MAP3K13: variants seen among roughly 807,000 people sequenced by gnomAD.
MAP3K13 encodes the protein leucine zipper-bearing kinase.
MAP3K13 carries 52 observed loss-of-function variants against 104.0 expected under a neutral mutation model. The ratio of observed to expected loss-of-function variants is 0.50; its 90% CI spans 0.40 to 0.63. The LOEUF (loss-of-function observed/expected upper bound fraction) is 0.63, where lower values mean the gene tolerates loss of function less well. Ranked by LOEUF, MAP3K13 falls within the 20% of genes least tolerant of loss-of-function variation. MAP3K13 has a pLI of 0.00. For missense variants in MAP3K13, 914 were observed against 1,218.5 expected, an observed-to-expected ratio of 0.75 and a Z score of 3.72; for synonymous variants, 394 against 442.2, an observed-to-expected ratio of 0.89 and a Z score of 1.37.
Position 185,482,451 on chromosome 3 carries a change from T to C in MAP3K13, c.2896T>C (p.Trp966Arg). The change falls in exon 14 of 14, where the codon TGG becomes CGG. Residue 966 changes from tryptophan (W) to arginine (R), a missense_variant. This residue lies in a region of MAP3K13 where 583 missense variants were observed against 737.4 expected (regional missense o/e 0.79). Coordinates refer to ENST00000265026, the MANE Select transcript of MAP3K13 (RefSeq NM_004721.5). This position sits in a 1 kb window ranked among gnomAD's most constrained non-coding sequence, Gnocchi z 4.5. Reference sequence around the variant, plus strand: ...CAATAAACACTACAGCTCTGCTACCTGGTAATGAAGGAATACACATCCTGA... The same window carrying C: ...CAATAAACACTACAGCTCTGCTACCCGGTAATGAAGGAATACACATCCTGA... ...RTNKHYSSATW is the reference protein window; with the variant it reads ...RTNKHYSSATR The C allele has an allele frequency of 6.2e-7, 1 of 1,610,850 alleles. No individual in the cohort carries two copies. The highest frequency in any genetic ancestry group is 8.5e-7 in the Non-Finnish European group (1 of 1,177,094).
intron 1 of MAP3K13, among the ~76,000 whole-genome samples, chr3:185,380,251 A>C (rs559282997): frequency 1.3e-5 from 2 of 150,288 alleles, no homozygotes; most frequent in Admixed American, 1.3e-4. Context: ...GGTGGCTCAA[A>C]TCTGTAATCC....
intron 1 of MAP3K13, among the ~76,000 whole-genome samples, chr3:185,378,939 T>C (rs570939291): frequency 6.6e-6 from 1 of 152,176 alleles, no homozygotes; most frequent in African/African-American, 2.4e-5. Context: ...CGCTTAGATT[T>C]TAGGTCAGGC....
At position 185,454,701 on chromosome 3, in the gene MAP3K13, A is replaced by C. The variant is rs1315936376; in HGVS notation, c.1278+3306A>C. ...TTTATATGATATATATATGAGATAT[A>C]TATATCATATATGAGATATATATGA... On this transcript the variant is annotated intron_variant, in intron 7 of 13. Transcript: ENST00000265026. 1.5e-4 allele frequency among the ~76,000 whole-genome samples: 4 copies of C among 27,180 alleles called. 1 individual carries two copies. Among genetic ancestry groups the C allele is most frequent in the South Asian group, 4.0e-3 (2 of 504 alleles). 17.8% of individuals were successfully genotyped at this position (27,180 alleles called of 152,430 possible). A position where few individuals can be genotyped will look rare whatever the true frequency, so the allele number is the denominator to read the frequency against.
At chr3:185,350,529 G>T (rs577880509) in intron 2 of MAP3K13, among the ~76,000 whole-genome samples, 1 of 151,788 alleles carries the variant, frequency 6.6e-6, no homozygotes, top group South Asian at 2.1e-4. Context: ...TATCTTGTTG[G>T]ATCTCTGACT....
chr3:185,338,675 T>C (rs1473952794), intron 2 of MAP3K13, among the ~76,000 whole-genome samples: 1 of 152,214 alleles, frequency 6.6e-6, no homozygotes, highest in African/African-American at 2.4e-5. Context: ...ATTTCTAGCA[T>C]TTCTTCTTGA....
intron 1 of MAP3K13, among the ~76,000 whole-genome samples, chr3:185,365,449 G>A (rs1723824983): frequency 6.6e-6 from 1 of 152,144 alleles, no homozygotes. Flanking sequence ...ACATCCACTG[G>A]TAGATGACAG....
At chr3:185,454,880 TATGATA>T (rs1337975674) in intron 7 of MAP3K13, among the ~76,000 whole-genome samples, 1 of 53,640 alleles carries the variant, frequency 1.9e-5, no homozygotes, top group Non-Finnish European at 3.1e-5. Flanking sequence ...GAGATATATA[TATGATA>T]TATATATGAG....
chr3:185,428,309 T>C (rs1435962357), intron 1 of MAP3K13, among the ~76,000 whole-genome samples, 188 bp from the exon 2 acceptor site: 1 of 152,186 alleles, frequency 6.6e-6, no homozygotes, highest in Admixed American at 6.5e-5. Context: ...GTGTCATGGA[T>C]ATTTTGTCAT....
At chr3:185,347,497 A>T (rs552525953) in intron 2 of MAP3K13, among the ~76,000 whole-genome samples, 3 of 152,356 alleles carry the variant, frequency 2.0e-5, no homozygotes, top group Admixed American at 6.5e-5. Flanking sequence ...GTAAAGCATG[A>T]CATTGATCTC....
At chr3:185,318,643 G>A (rs763433530) in intron 2 of MAP3K13, among the ~76,000 whole-genome samples, 13 of 152,170 alleles carry the variant, frequency 8.5e-5, no homozygotes, top group African/African-American at 3.1e-4. Context: ...TGTTGGAGTT[G>A]TGTGAGTCTG....
intron 2 of MAP3K13, among the ~76,000 whole-genome samples, chr3:185,435,668 C>T (rs905440783): frequency 5.9e-5 from 9 of 152,102 alleles, no homozygotes; most frequent in African/African-American, 1.4e-4. Context: ...TGAAGGCCCA[C>T]GGCATAAACC....
rs1250587655 is a variant in MAP3K13 at position 185,455,168 on chromosome 3, T to TGA, written c.1278+3776_1278+3777dup. Among the ~76,000 whole-genome samples the TGA allele has an allele frequency of 4.9e-4, 20 of 40,720 alleles. 3 individuals are homozygous for TGA. Among genetic ancestry groups the TGA allele is most frequent in the African/African-American group, 7.6e-4 (13 of 17,022 alleles). 26.7% of individuals were successfully genotyped at this position (40,720 alleles called of 152,430 possible). On this transcript the variant is annotated intron_variant, in intron 7 of 13. Transcript: ENST00000265026. Reference sequence around the variant, plus strand: ...ATATGTGAGATATATATGATATATATGAGATATATATGATATATATGAGAT... The same window carrying TGA: ...ATATGTGAGATATATATGATATATATGAGAGATATATATGATATATATGAGAT...
intron 2 of MAP3K13, among the ~76,000 whole-genome samples, chr3:185,322,458 C>T (rs1353556388): frequency 6.6e-6 from 1 of 152,202 alleles, no homozygotes; most frequent in African/African-American, 2.4e-5. Context: ...CAGGAAATTA[C>T]ACCATCCTGC....
At chr3:185,323,555 A>G (rs887702154) in intron 2 of MAP3K13, among the ~76,000 whole-genome samples, 13 of 151,274 alleles carry the variant, frequency 8.6e-5, no homozygotes, top group Non-Finnish European at 1.5e-5. Context: ...CTGGTCTCGA[A>G]CTCCCGACCT....
chr3:185,444,230 G>A (rs1715476024), intron 4 of MAP3K13, among the ~76,000 whole-genome samples: 1 of 152,096 alleles, frequency 6.6e-6, no homozygotes, highest in Non-Finnish European at 1.5e-5. Flanking sequence ...CGGCTACTTG[G>A]GAGGCTGAGG....
chr3:185,437,157 T>C lies in MAP3K13; in HGVS notation c.476-290T>C, dbSNP rs568655778. Among the ~76,000 whole-genome samples, 51 of 152,026 alleles carry C rather than the reference T, an allele frequency of 3.4e-4. No individual in the cohort carries two copies. The East Asian group carries it at 7.0e-3, about 21-fold the overall frequency. On this transcript the variant is annotated intron_variant, in intron 2 of 13. Coordinates refer to ENST00000265026, the MANE Select transcript of MAP3K13 (RefSeq NM_004721.5). ...CGGGTAAATTGACTGACATGCAAGCTTAAGGTGAGGAGGTAGGACTGCAGG... is the reference window on the plus strand; with the variant it reads ...CGGGTAAATTGACTGACATGCAAGCCTAAGGTGAGGAGGTAGGACTGCAGG...
chr3:185,335,049 A>C (rs978847628), intron 2 of MAP3K13, among the ~76,000 whole-genome samples: 9 of 150,342 alleles, frequency 6.0e-5, no homozygotes, highest in African/African-American at 2.0e-4. Context: ...AAAAAAAAAA[A>C]CAGCAATCTT....
In MAP3K13 at chr3:185,465,797, A is replaced by C; in HGVS notation, c.1439A>C (p.Asn480Thr). Residue 480 changes from asparagine to threonine, a missense_variant, in exon 9 of 14, where the codon AAT (asparagine) becomes ACT (threonine). Around this residue, in one of 3 missense-constraint regions of MAP3K13, gnomAD observed 583 missense variants for 737.4 expected, o/e 0.79. Transcript: ENST00000265026. The stretch of plus-strand genomic sequence containing the variant: ...TATGAGCGGAAGCTTGAGCGGGCGA[A>C]TAATTTATACATGGAATTGAGTGCC... ...EHYERKLERA[N>T]NLYMELSAIM... is the part of the protein sequence containing the mutation. The C allele has an allele frequency of 6.2e-7, 1 of 1,614,126 alleles. No homozygotes were observed. The highest frequency in any genetic ancestry group is 1.1e-5 in the South Asian group (1 of 91,080).
intron 2 of MAP3K13, among the ~76,000 whole-genome samples, chr3:185,323,829 G>A (rs550060025): frequency 1.3e-4 from 20 of 152,140 alleles, no homozygotes; most frequent in African/African-American, 2.9e-4. Flanking sequence ...TTGCTCTTCA[G>A]AGAGGTTCTA....
Sources: gnomAD v4.1 joint callset for allele counts (sites outside exome capture counted in the v4.1 genomes callset) on GRCh38, gnomAD v4.1.1 for gene constraint, gnomAD v4.1.1 regional missense constraint, Gnocchi (gnomAD v3.1) non-coding constraint, MANE v1.5 for transcripts, NCBI Gene and HGNC (gene_info 2026-07-23, HGNC 2026-07-21) for gene names.